The following ITPR1 variants were observed in gnomAD, a reference collection of about 807,000 sequenced individuals.
ITPR1 encodes the protein inositol 1,4,5-trisphosphate-gated calcium channel ITPR1.
A neutral mutation model predicts 318.4 loss-of-function variants in ITPR1; 96 were observed. The observed-to-expected ratio is 0.30, with a 90% CI of 0.26 to 0.36. The LOEUF is 0.36. Ranked by LOEUF, ITPR1 falls within the 10% of genes least tolerant of loss-of-function variation. The pLI is 1.00. For missense variants in ITPR1, 2,440 were observed against 3,460.2 expected (o/e 0.71, Z 7.40); for synonymous variants, 1,312 against 1,289.9 (o/e 1.02, Z -0.37).
At chr3:4,525,602 G>A (rs1230768506) in intron 4 of ITPR1, among the ~76,000 whole-genome samples, 1 of 152,266 alleles carries the variant, frequency 6.6e-6, no homozygotes, top group East Asian at 1.9e-4. Flanking sequence ...TAAGGGATGA[G>A]GAGAGCTGAG....
intron 4 of ITPR1, among the ~76,000 whole-genome samples, chr3:4,523,597 T>TG (rs1307259234): frequency 1.3e-5 from 2 of 152,172 alleles, no homozygotes; most frequent in African/African-American, 4.8e-5. Context: ...CCCCAGCCCC[T>TG]GGTGACCACT....
At chr3:4,792,134 C>T (rs1025852789) in intron 52 of ITPR1, among the ~76,000 whole-genome samples, 2 of 152,178 alleles carry the variant, frequency 1.3e-5, no homozygotes, top group African/African-American at 2.4e-5. Flanking sequence ...TGCTGTGCTA[C>T]TGACCCTCCT....
intron 2 of ITPR1, among the ~76,000 whole-genome samples, chr3:4,495,093 C>T (rs1382102942): frequency 6.6e-6 from 1 of 152,126 alleles, no homozygotes; most frequent in Non-Finnish European, 1.5e-5. Context: ...TTTTGGGGCC[C>T]GTGGTGGAAT....
Position 4,808,471 on chromosome 3 carries a change from A to G in ITPR1, c.7272+2204A>G, listed in dbSNP as rs563462419. ...CTCCAACCTATCACAGAAAGATAAG[A>G]GTAACTCTCAGCTTCTGATCATGCT... On this transcript the variant is annotated intron_variant, in intron 55 of 61. Coordinates refer to ENST00000649015, the MANE Select transcript of ITPR1 (RefSeq NM_001378452.1). Among the ~76,000 whole-genome samples the G allele has an allele frequency of 8.5e-5, 13 of 152,334 alleles. No homozygotes were observed. In the South Asian group the frequency reaches 2.7e-3, roughly 32 times the overall value.
At chr3:4,707,551 C>T (rs189519978) in intron 37 of ITPR1, among the ~76,000 whole-genome samples, 108 of 152,282 alleles carry the variant, frequency 7.1e-4, no homozygotes, top group Non-Finnish European at 9.6e-4. Context: ...TTTTACTGTA[C>T]TCTTTTGGTC....
At chr3:4,632,113 C>G (rs553799301) in intron 5 of ITPR1, among the ~76,000 whole-genome samples, 41 of 152,340 alleles carry the variant, frequency 2.7e-4, no homozygotes, top group African/African-American at 9.6e-4. Flanking sequence ...CCAGTCACTG[C>G]AGCAATCCAT....
At chr3:4,528,107 C>G (rs991290151) in intron 4 of ITPR1, among the ~76,000 whole-genome samples, 3 of 152,164 alleles carry the variant, frequency 2.0e-5, no homozygotes, top group Non-Finnish European at 4.4e-5. Context: ...GATGCCAGAG[C>G]TAGCATCCAG....
At chr3:4,616,518 TC>T (rs1351148782) in intron 4 of ITPR1, among the ~76,000 whole-genome samples, 6 of 152,252 alleles carry the variant, frequency 3.9e-5, no homozygotes, top group Admixed American at 3.9e-4. Flanking sequence ...GCTGAACACT[TC>T]CCATTTTCAT....
Position 4,501,428 on chromosome 3 carries a change from C to G in ITPR1, c.-17+6922C>G, listed in dbSNP as rs571866896. On this transcript the variant is annotated intron_variant, in intron 2 of 61. Coordinates refer to ENST00000649015, the MANE Select transcript of ITPR1 (RefSeq NM_001378452.1). ...GGGAACTTGCTAGCAATTGCAGACTCTCAGACCCTACTCCACATTCAATGA... is the reference window on the plus strand; with the variant it reads ...GGGAACTTGCTAGCAATTGCAGACTGTCAGACCCTACTCCACATTCAATGA... 5.9e-5 allele frequency among the ~76,000 whole-genome samples: 9 copies of G among 152,354 alleles called. 1 individual carries two copies. In the South Asian group the frequency reaches 1.9e-3, roughly 32 times the overall value.
intron 30 of ITPR1, among the ~76,000 whole-genome samples, chr3:4,686,282 T>A (rs957426850): frequency 6.6e-6 from 1 of 152,178 alleles, no homozygotes; most frequent in African/African-American, 2.4e-5. Flanking sequence ...ATCCTCCTCC[T>A]CAGTCATGGG....
At chr3:4,728,551 G>A (rs2042687180) in intron 42 of ITPR1, among the ~76,000 whole-genome samples, 1 of 152,108 alleles carries the variant, frequency 6.6e-6, no homozygotes, top group African/African-American at 2.4e-5. Context: ...ATGGAGAATG[G>A]GGTATCCATC....
At chr3:4,694,731 T>G (rs1285443262) in intron 33 of ITPR1, among the ~76,000 whole-genome samples, 1 of 152,198 alleles carries the variant, frequency 6.6e-6, no homozygotes, top group Non-Finnish European at 1.5e-5. Flanking sequence ...AAATTGGGTA[T>G]TATAATCTTA....
chr3:4,610,201 T>G (rs1231596606), intron 4 of ITPR1, among the ~76,000 whole-genome samples: 6 of 152,142 alleles, frequency 3.9e-5, no homozygotes, highest in African/African-American at 1.4e-4. Flanking sequence ...ATGAGAAACC[T>G]TCTTACTGCC....
chr3:4,846,244 T>C lies in ITPR1; in HGVS notation c.*19T>C. 1 of 1,467,756 alleles carries C rather than the reference T, an allele frequency of 6.8e-7. No homozygotes were observed. Among genetic ancestry groups the C allele is most frequent in the Non-Finnish European group, 9.3e-7 (1 of 1,070,110 alleles). The allele number at this position is 1,467,756 out of a possible 1,614,324, so 90.9% of individuals were successfully genotyped here. The stretch of plus-strand genomic sequence containing the variant: ...AGCATAAGCAAATGAAAGAAAGGAA[T>C]TGTATTTACCTTTTATAATTATTAT... On this transcript the variant is annotated 3_prime_UTR_variant, in exon 62 of 62. Transcript: ENST00000649015.
intron 52 of ITPR1, 96 bp from the exon 53 acceptor site, chr3:4,794,969 A>G: frequency 7.4e-7 from 1 of 1,357,852 alleles, no homozygotes; most frequent in Non-Finnish European, 9.8e-7. Flanking sequence ...ACAAAAGTGG[A>G]CTTGTGGGGC....
intron 4 of ITPR1, among the ~76,000 whole-genome samples, chr3:4,525,366 G>A (rs906878516): frequency 6.6e-6 from 1 of 152,176 alleles, no homozygotes; most frequent in Non-Finnish European, 1.5e-5. Flanking sequence ...ACATCGAACA[G>A]AAGATATAGA....
At chr3:4,607,286 A>G (rs1345966745) in intron 4 of ITPR1, among the ~76,000 whole-genome samples, 1 of 152,114 alleles carries the variant, frequency 6.6e-6, no homozygotes, top group Non-Finnish European at 1.5e-5. Context: ...ACTGCACACT[A>G]AAGTTTGAGA....
chr3:4,549,320 G>A (rs2124994587), intron 4 of ITPR1, among the ~76,000 whole-genome samples: 1 of 152,250 alleles, frequency 6.6e-6, no homozygotes, highest in East Asian at 1.9e-4. Context: ...CTTAACCAGG[G>A]CGGTTTAAGC....
At chr3:4,802,451 G>T (rs759091120) in intron 54 of ITPR1, among the ~76,000 whole-genome samples, 27 of 152,110 alleles carry the variant, frequency 1.8e-4, no homozygotes, top group Non-Finnish European at 3.1e-4. Flanking sequence ...GGGCTGTAGC[G>T]ACGCTTTGAT....
Sources: allele counts gnomAD v4.1 joint callset (sites outside exome capture counted in the v4.1 genomes callset), GRCh38; gene constraint gnomAD v4.1.1; transcripts MANE v1.5; gene names NCBI Gene and HGNC (gene_info 2026-07-23, HGNC 2026-07-21).